Variants in ARHGEF18 observed in about 807,000 individuals in gnomAD.
The protein encoded by ARHGEF18 is rho guanine nucleotide exchange factor 18.
Under a neutral mutation model 155.7 loss-of-function variants are expected in ARHGEF18, and 93 were observed. The observed-to-expected ratio is 0.60, with a 90% CI of 0.50 to 0.71. The LOEUF (loss-of-function observed/expected upper bound fraction) is 0.71, where lower values mean the gene tolerates loss of function less well. ARHGEF18 is among the 30% of genes least tolerant of loss of function. The pLI is 0.00. For missense variants in ARHGEF18, 1,593 were observed against 1,816.1 expected, an observed-to-expected ratio of 0.88 and a Z score of 2.23; for synonymous variants, 742 against 753.1, an observed-to-expected ratio of 0.99 and a Z score of 0.24.
intron 10 of ARHGEF18, among the ~76,000 whole-genome samples, chr19:7,412,775 C>A (rs373799927): frequency 9.9e-5 from 15 of 151,300 alleles, no homozygotes; most frequent in East Asian, 9.7e-4. Flanking sequence ...AATAAATTAT[C>A]CCATCTTAGT....
chr19:7,467,922 TA>T (rs11341597), intron 26 of ARHGEF18, among the ~76,000 whole-genome samples: 66,352 of 151,078 alleles, frequency 0.44, 15,898 homozygotes, highest in African/African-American at 0.65. Flanking sequence ...AGAAACTTCT[TA>T]AAAAAAAAAT....
chr19:7,447,039 T>C lies in ARHGEF18; in HGVS notation c.1612-4T>C. The C allele has an allele frequency of 6.2e-7, 1 of 1,611,206 alleles. No homozygotes were observed. Among genetic ancestry groups the C allele is most frequent in the Non-Finnish European group, 8.5e-7 (1 of 1,179,240 alleles). ...ATTAACATTTCCATCCTTTTGTTTA[T>C]CAGTTTTCAGGTGAAAATGGGGAGA... On this transcript the variant is annotated splice_region_variant and splice_polypyrimidine_tract_variant and intron_variant, in intron 14 of 28. Coordinates refer to ENST00000668164, the MANE Select transcript of ARHGEF18 (RefSeq NM_001367823.1).
intron 1 of ARHGEF18, among the ~76,000 whole-genome samples, chr19:7,350,900 T>C (rs947143312): frequency 2.6e-5 from 4 of 151,834 alleles, no homozygotes; most frequent in Non-Finnish European, 4.4e-5. Flanking sequence ...GCCTCTCGGG[T>C]TTAAGCAATT....
At chr19:7,374,646 C>T (rs1476950569) in intron 3 of ARHGEF18, among the ~76,000 whole-genome samples, 1 of 151,636 alleles carries the variant, frequency 6.6e-6, no homozygotes, top group African/African-American at 2.4e-5. Flanking sequence ...CCACTGCACT[C>T]CAGCCTGGGC....
intron 10 of ARHGEF18, among the ~76,000 whole-genome samples, chr19:7,433,916 G>T (rs939345731): frequency 2.0e-5 from 3 of 151,260 alleles, no homozygotes; most frequent in African/African-American, 7.3e-5. Context: ...CTACTCGAGG[G>T]GCTGAGGCAG....
intron 10 of ARHGEF18, among the ~76,000 whole-genome samples, chr19:7,427,116 C>A (rs886200136): frequency 9.2e-5 from 14 of 152,158 alleles, no homozygotes; most frequent in Admixed American, 9.2e-4. Flanking sequence ...TTCCATCTGG[C>A]CTTTTTGCTG....
intron 15 of ARHGEF18, among the ~76,000 whole-genome samples, chr19:7,448,338 A>T (rs546594322): frequency 3.3e-4 from 51 of 152,278 alleles, no homozygotes; most frequent in Non-Finnish European, 5.3e-4. Flanking sequence ...AACATGGCGA[A>T]ACCCCGTCTT....
chr19:7,412,887 C>A (rs896998941), intron 10 of ARHGEF18, among the ~76,000 whole-genome samples: 1 of 151,968 alleles, frequency 6.6e-6, no homozygotes, highest in Non-Finnish European at 1.5e-5. Context: ...TCTTTGGAGA[C>A]GTGTCTGTTT....
At chr19:7,469,752 T>C in intron 27 of ARHGEF18, 152 bp from the exon 28 acceptor site, 2 of 878,240 alleles carry the variant, frequency 2.3e-6, no homozygotes, top group Non-Finnish European at 1.7e-6. Flanking sequence ...AATCTGGGGC[T>C]TAGCATCTGA....
At chr19:7,454,849 T>C (rs991982732) in intron 17 of ARHGEF18, among the ~76,000 whole-genome samples, 9 of 152,066 alleles carry the variant, frequency 5.9e-5, no homozygotes, top group African/African-American at 2.2e-4. Context: ...TGGGCAGTCA[T>C]GGGCCAGCCT....
chr19:7,363,002 A>C (rs1331878787), intron 2 of ARHGEF18, 97 bp downstream of exon 2: 1 of 1,210,678 alleles, frequency 8.3e-7, no homozygotes, highest in African/African-American at 1.6e-5. Flanking sequence ...CACTTTGTGT[A>C]CATTATCTCA....
intron 15 of ARHGEF18, 145 bp from the exon 16 acceptor site, chr19:7,451,004 A>AGATGTTAATGCGGGATCTTGCTTTCCG (rs1975407211): frequency 3.3e-6 from 1 of 304,506 alleles, no homozygotes; most frequent in Non-Finnish European, 5.2e-6. Context: ...CTTGCTGTCC[A>AGATGTTAATGCGGGATCTTGCTTTCCG]TTTCCGAGAT....
intron 10 of ARHGEF18, among the ~76,000 whole-genome samples, chr19:7,402,325 A>G (rs911278704): frequency 1.2e-4 from 19 of 152,180 alleles, no homozygotes; most frequent in African/African-American, 4.6e-4. Flanking sequence ...AGGCTGAGGC[A>G]TGAGAATTGC....
rs371328822 is a variant in ARHGEF18, at chr19:7,467,372, G to C, written c.3168G>C (p.Leu1056=). Residue 1056 remains leucine, a synonymous_variant, in exon 26 of 29, where the codon CTG becomes CTC. Coordinates refer to ENST00000668164, the MANE Select transcript of ARHGEF18 (RefSeq NM_001367823.1). ...FEKQREERAA[L]EKLQSQLRHE... ...AGCAGCGGGAGGAGCGCGCGGCCCT[G>C]GAGAAGCTGCAGAGCCAGCTGCGGC... is the stretch of plus-strand genomic sequence containing the variant. 1.6e-4 allele frequency: 251 copies of C among 1,534,016 alleles called. 2 individuals carry two copies. The East Asian group carries it at 2.2e-3, about 14-fold the overall frequency.
chr19:7,420,151 G>C (rs933779476), intron 10 of ARHGEF18, among the ~76,000 whole-genome samples: 2 of 152,180 alleles, frequency 1.3e-5, no homozygotes, highest in East Asian at 3.9e-4. Flanking sequence ...ATTGGGTCTT[G>C]CTGTATTGTC....
At chr19:7,351,004 A>G (rs952337449) in intron 1 of ARHGEF18, among the ~76,000 whole-genome samples, 8 of 152,146 alleles carry the variant, frequency 5.3e-5, no homozygotes, top group Middle Eastern at 3.4e-3. Flanking sequence ...GGGTTTCACC[A>G]TATTGGTTAG....
downstream of ARHGEF18, chr19:7,477,083 C>G: frequency 1.0e-6 from 1 of 972,982 alleles, no homozygotes; most frequent in African/African-American, 1.7e-5. Context: ...ACCCACCCTG[C>G]CCATGGGTTT....
Position 7,470,645 on chromosome 19 carries a change from C to T in ARHGEF18, c.*347C>T. 2.5e-6 allele frequency: 1 copy of T among 397,834 alleles called. No individual in the cohort carries two copies. The highest frequency in any genetic ancestry group is 4.4e-6 in the Non-Finnish European group (1 of 225,628). The allele number at this position is 397,834 out of a possible 1,614,324, so 24.6% of individuals were successfully genotyped here. A position where few individuals can be genotyped will look rare whatever the true frequency, so the allele number is the denominator to read the frequency against. On this transcript the variant is annotated 3_prime_UTR_variant, in exon 29 of 29. Coordinates refer to ENST00000668164, the MANE Select transcript of ARHGEF18 (RefSeq NM_001367823.1). The surrounding 1 kb of genome is among the most constrained non-coding windows in gnomAD (Gnocchi z 5.9). ...TCAACTCCGAGCTGTTTTTCCGAGG[C>T]AGTGAGGAACGGTGCCGGCTCTGCA...
chr19:7,472,723 A>G, downstream of ARHGEF18: 1 of 294,148 alleles, frequency 3.4e-6, no homozygotes, highest in Non-Finnish European at 6.7e-6. Flanking sequence ...TTTTTGAGAC[A>G]GAGTCTTGCT....
Sources: gnomAD v4.1 joint callset for allele counts (sites outside exome capture counted in the v4.1 genomes callset) on GRCh38, gnomAD v4.1.1 for gene constraint, Gnocchi (gnomAD v3.1) non-coding constraint, MANE v1.5 for transcripts, NCBI Gene and HGNC (gene_info 2026-07-23, HGNC 2026-07-21) for gene names.